Variants in SPATA17 observed in about 807,000 individuals in gnomAD.
SPATA17 encodes spermatogenesis-associated protein 17.
A neutral mutation model predicts 62.2 loss-of-function variants in SPATA17; 53 were observed. The observed-to-expected ratio is 0.85, with a 90% CI of 0.68 to 1.07. SPATA17 has a LOEUF of 1.07. Ranked by LOEUF, SPATA17 falls within the 50% of genes least tolerant of loss-of-function variation. The probability of loss-of-function intolerance (pLI) is 0.00; values close to 1 mark genes in which losing one functional copy is unlikely to be tolerated. For synonymous variants in SPATA17, 146 were observed against 146.8 expected (o/e 0.99, Z 0.04); for missense variants, 466 against 425.5 (o/e 1.10, Z -0.84).
intron 5 of SPATA17, among the ~76,000 whole-genome samples, chr1:217,708,618 A>G (rs1341981785): frequency 6.6e-6 from 1 of 152,162 alleles, no homozygotes; most frequent in African/African-American, 2.4e-5. Flanking sequence ...GAATTTGATC[A>G]GATGTATAAA....
intron 4 of SPATA17, among the ~76,000 whole-genome samples, chr1:217,670,703 C>T (rs1670812215): frequency 6.6e-6 from 1 of 152,156 alleles, no homozygotes; most frequent in East Asian, 1.9e-4. Context: ...ATAATCCCAG[C>T]ATTTTGAGAG....
At chr1:217,749,265 G>A (rs1293359813) in intron 6 of SPATA17, among the ~76,000 whole-genome samples, 1 of 152,016 alleles carries the variant, frequency 6.6e-6, no homozygotes, top group East Asian at 1.9e-4. Flanking sequence ...TTCTTAGTTG[G>A]ACCTTTTTTC....
At chr1:217,643,733 TA>T (rs1281307707) in intron 1 of SPATA17, among the ~76,000 whole-genome samples, 3 of 147,116 alleles carry the variant, frequency 2.0e-5, no homozygotes, top group Non-Finnish European at 4.5e-5. Context: ...TATATATATA[TA>T]ATTTTTTTTT....
chr1:217,791,894 C>A (rs1674001639), intron 8 of SPATA17, among the ~76,000 whole-genome samples: 1 of 151,924 alleles, frequency 6.6e-6, no homozygotes, highest in Non-Finnish European at 1.5e-5. Flanking sequence ...AGAGGACTTG[C>A]CATAGAACTG....
chr1:217,862,926 A>G, intron 10 of SPATA17, 70 bp downstream of exon 10: 1 of 952,430 alleles, frequency 1.0e-6, no homozygotes, highest in South Asian at 1.8e-5. Context: ...AATGGGGTTG[A>G]CTTAACTATC....
chr1:217,643,389 A>G (rs1289675385), intron 1 of SPATA17, among the ~76,000 whole-genome samples: 2 of 152,012 alleles, frequency 1.3e-5, no homozygotes, highest in African/African-American at 2.4e-5. Context: ...CTGATTCTCT[A>G]TACTGGCTAC....
chr1:217,646,215 C>T (rs7527314), intron 1 of SPATA17, among the ~76,000 whole-genome samples: 35,243 of 151,980 alleles, frequency 0.23, 4,248 homozygotes, highest in Middle Eastern at 0.29. Context: ...CATTATAATT[C>T]TACTACATGT....
intron 9 of SPATA17, among the ~76,000 whole-genome samples, chr1:217,849,450 TA>T (rs1019042689): frequency 3.1e-4 from 47 of 152,186 alleles, no homozygotes; most frequent in African/African-American, 9.4e-4. Context: ...AGTCCTTTCC[TA>T]AAAAAACAAA....
chr1:217,833,137 C>T (rs1325432679), intron 9 of SPATA17, among the ~76,000 whole-genome samples: 4 of 152,018 alleles, frequency 2.6e-5, no homozygotes, highest in African/African-American at 9.7e-5. Flanking sequence ...TAAGAGATGA[C>T]AGTATGCTTA....
At chr1:217,854,470 T>C (rs1204635854) in intron 9 of SPATA17, among the ~76,000 whole-genome samples, 2 of 152,122 alleles carry the variant, frequency 1.3e-5, no homozygotes, top group Non-Finnish European at 2.9e-5. Flanking sequence ...CTCTGAGAAG[T>C]CCTGTATTTC....
chr1:217,704,983 G>A (rs1671698657), intron 5 of SPATA17, among the ~76,000 whole-genome samples: 1 of 152,178 alleles, frequency 6.6e-6, no homozygotes, highest in East Asian at 1.9e-4. Context: ...TCACCAAACA[G>A]ATTTCCAAAA....
intron 4 of SPATA17, among the ~76,000 whole-genome samples, chr1:217,674,222 G>A (rs564863383): frequency 5.3e-4 from 80 of 152,238 alleles, no homozygotes; most frequent in African/African-American, 1.8e-3. Flanking sequence ...ATTTAAAAAA[G>A]GGAACTCCCC....
At position 217,800,029 on chromosome 1, in the gene SPATA17, A is replaced by G. The variant is rs181285940; in HGVS notation, c.873-1689A>G. Among the ~76,000 whole-genome samples, 1,190 of 152,180 alleles carry G rather than the reference A, an allele frequency of 7.8e-3. 8 individuals carry two copies. Among genetic ancestry groups the G allele is most frequent in the Non-Finnish European group, 0.011 (744 of 67,996 alleles). On this transcript the variant is annotated intron_variant, in intron 8 of 10. Coordinates refer to ENST00000366933, the MANE Select transcript of SPATA17 (RefSeq NM_138796.4). ...TTAATACCGTATCTCCTTTGATTAT[A>G]TGTGTTAAAAATTTCTGAATTTACT...
At chr1:217,762,040 G>A (rs544875735) in intron 6 of SPATA17, among the ~76,000 whole-genome samples, 9 of 152,146 alleles carry the variant, frequency 5.9e-5, no homozygotes, top group Admixed American at 5.2e-4. Flanking sequence ...TTCATGAAAT[G>A]GTCTTCTCCC....
At chr1:217,790,666 G>A (rs1558052352) in intron 8 of SPATA17, among the ~76,000 whole-genome samples, 2 of 151,906 alleles carry the variant, frequency 1.3e-5, no homozygotes, top group East Asian at 2.0e-4. Context: ...CTGACCTCGT[G>A]ATCCGCCCGC....
At chr1:217,681,961 G>T (rs1332886219) in intron 4 of SPATA17, among the ~76,000 whole-genome samples, 1 of 151,532 alleles carries the variant, frequency 6.6e-6, no homozygotes, top group Non-Finnish European at 1.5e-5. Flanking sequence ...GAAGACGTGT[G>T]TTCTCTTAGC....
intron 1 of SPATA17, among the ~76,000 whole-genome samples, chr1:217,640,167 G>A (rs1249943609): frequency 6.6e-6 from 1 of 151,474 alleles, no homozygotes; most frequent in African/African-American, 2.4e-5. Flanking sequence ...TGAGATAGAG[G>A]CCTAACTTTT....
At chr1:217,786,964 T>A (rs1328374046) in intron 8 of SPATA17, among the ~76,000 whole-genome samples, 1 of 152,066 alleles carries the variant, frequency 6.6e-6, no homozygotes, top group African/African-American at 2.4e-5. Flanking sequence ...CTCCACCAGA[T>A]GTCCTAAACG....
At position 217,744,845 on chromosome 1, in the gene SPATA17, A is replaced by G. The variant is rs188338510; in HGVS notation, c.519+2747A>G. ...TTTCTAAGCCTCTGCTTCCGTCTGC[A>G]TTTGTGGGATAATGAAACCCACCTT... On this transcript the variant is annotated intron_variant, in intron 6 of 10. Coordinates refer to ENST00000366933, the MANE Select transcript of SPATA17 (RefSeq NM_138796.4). 9.2e-5 allele frequency among the ~76,000 whole-genome samples: 14 copies of G among 152,304 alleles called. No individual in the cohort carries two copies. The East Asian group carries it at 2.7e-3, about 29-fold the overall frequency.
Sources: allele counts gnomAD v4.1 joint callset (sites outside exome capture counted in the v4.1 genomes callset), GRCh38; gene constraint gnomAD v4.1.1; transcripts MANE v1.5; gene names NCBI Gene and HGNC (gene_info 2026-07-23, HGNC 2026-07-21).